Variants in GDNF observed in about 807,000 individuals in gnomAD.
GDNF encodes the protein glial cell line-derived neurotrophic factor.
A neutral mutation model predicts 13.7 loss-of-function variants in GDNF; 5 were observed. That is an observed-to-expected ratio of 0.36 (90% CI 0.19 to 0.77). GDNF has a LOEUF of 0.77. GDNF is among the 30% of genes least tolerant of loss of function. The pLI is 0.51. For synonymous variants in GDNF, 122 were observed against 112.5 expected (o/e 1.08, Z -0.53); for missense variants, 246 against 274.3 (o/e 0.90, Z 0.73).
intron 2 of GDNF, 83 bp from the exon 3 acceptor site, chr5:37,816,218 A>T (rs1749927059): frequency 2.1e-6 from 3 of 1,448,056 alleles, no homozygotes; most frequent in Non-Finnish European, 2.9e-6. Context: ...GCCCCCCTAA[A>T]GTCAGCAAAA....
Position 37,816,151 on chromosome 5 carries a change from A to G in GDNF, c.152-16T>C. The stretch of plus-strand genomic sequence containing the variant: ...GGCATATTTGCTGTTCAAAAAGAAA[A>G]GAGAAAATGGCACATGAGACAAAAT... On this transcript the variant is annotated splice_polypyrimidine_tract_variant and intron_variant, in intron 2 of 2. Transcript: ENST00000326524. 6.2e-7 allele frequency: 1 copy of G among 1,613,350 alleles called. No homozygotes were observed. Among genetic ancestry groups the G allele is most frequent in the African/African-American group, 1.3e-5 (1 of 75,050 alleles).
rs36010631 is a variant in GDNF at position 37,815,858 on chromosome 5, C to T, written c.429G>A (p.Arg143=). The T allele has an allele frequency of 4.7e-3, 7,605 of 1,614,070 alleles. 345 individuals carry two copies. The African/African-American group carries it at 0.089, about 19-fold the overall frequency. Residue 143 remains arginine, a synonymous_variant, in exon 3 of 3, where the codon AGG becomes AGA. Coordinates refer to ENST00000326524, the MANE Select transcript of GDNF (RefSeq NM_000514.4). This position sits in a 1 kb window ranked among gnomAD's most constrained non-coding sequence, Gnocchi z 5.0. ...GYETKEELIF[R]YCSGSCDAAE... Reference sequence around the variant, plus strand: ...CTGCATCGCAAGAGCCGCTGCAGTACCTAAAAATCAGTTCCTCCTTGGTTT... The same window carrying T: ...CTGCATCGCAAGAGCCGCTGCAGTATCTAAAAATCAGTTCCTCCTTGGTTT...
In GDNF at chr5:37,839,343, C is replaced by T. The variant is rs887224895; in HGVS notation, c.-27+164G>A. On this transcript the variant is annotated intron_variant, in intron 1 of 2. Transcript: ENST00000326524. The surrounding 1 kb of genome is among the most constrained non-coding windows in gnomAD (Gnocchi z 5.5). ...TCTCTCCGGTTCTACTTTTCTCTCT[C>T]CTCGCATAGCTTAGGTTCCCTCTAG... 1.3e-5 allele frequency among the ~76,000 whole-genome samples: 2 copies of T among 152,210 alleles called. No individual in the cohort carries two copies. The highest frequency in any genetic ancestry group is 2.4e-5 in the African/African-American group (1 of 41,462).
rs1268457362 is a variant in GDNF, at chr5:37,813,161, C to G, written c.*2490G>C. On this transcript the variant is annotated 3_prime_UTR_variant, in exon 3 of 3. Transcript: ENST00000326524. ...TGTTTCGAGCAGTCTGAATTCTCAG[C>G]AAGATCCCAAGACAGTGTGAGAGGG... 1 of 152,228 alleles carries G rather than the reference C, an allele frequency of 6.6e-6. No homozygotes were observed. The highest frequency in any genetic ancestry group is 2.4e-5 in the African/African-American group (1 of 41,428). 9.4% of individuals were successfully genotyped at this position (152,228 alleles called of 1,614,324 possible). A position where few individuals can be genotyped will look rare whatever the true frequency, so the allele number is the denominator to read the frequency against.
intron 2 of GDNF, among the ~76,000 whole-genome samples, chr5:37,828,469 T>A (rs1750408223): frequency 6.6e-6 from 1 of 152,240 alleles, no homozygotes; most frequent in Non-Finnish European, 1.5e-5. Flanking sequence ...CTGCTTCTCT[T>A]TTCTCTTTGC....
intron 2 of GDNF, chr5:37,824,028 G>A (rs1750226191): frequency 1.2e-5 from 12 of 980,974 alleles, no homozygotes; most frequent in Non-Finnish European, 1.3e-5. Context: ...TGAATGTCTC[G>A]GCTACATTTG....
At chr5:37,827,917 G>A (rs1262954216) in intron 2 of GDNF, among the ~76,000 whole-genome samples, 1 of 152,148 alleles carries the variant, frequency 6.6e-6, no homozygotes, top group Non-Finnish European at 1.5e-5. Context: ...CTTCAAAGTA[G>A]GTAATCGTTT....
At chr5:37,834,088 G>A (rs1157768946) in intron 2 of GDNF, among the ~76,000 whole-genome samples, 1 of 152,200 alleles carries the variant, frequency 6.6e-6, no homozygotes, top group African/African-American at 2.4e-5. Context: ...TCTGAACAGA[G>A]GAACTTTTCT....
chr5:37,828,293 T>C (rs1187636850), intron 2 of GDNF, among the ~76,000 whole-genome samples: 1 of 152,210 alleles, frequency 6.6e-6, no homozygotes, highest in Non-Finnish European at 1.5e-5. Context: ...GAGCCTTCTC[T>C]CATTGCAAAA....
At position 37,816,083 on chromosome 5, in the gene GDNF, A is replaced by G. The variant is rs1201283899; in HGVS notation, c.204T>C (p.Ile68=). The G allele has an allele frequency of 2.5e-6, 4 of 1,613,330 alleles. No individual in the cohort carries two copies. The change falls in exon 3 of 3, where the codon ATT becomes ATC. Residue 68 remains isoleucine, a synonymous_variant. Coordinates refer to ENST00000326524, the MANE Select transcript of GDNF (RefSeq NM_000514.4). ...PDQFDDVMDF[I]QATIKRLKRS... ...TTTTCAGTCTTTTAATGGTGGCTTG[A>G]ATAAAATCCATGACATCATCGAACT...
At position 37,816,026 on chromosome 5, in the gene GDNF, A is replaced by G. The variant is rs1749915761; in HGVS notation, c.261T>C (p.Pro87=). 1 of 1,613,704 alleles carries G rather than the reference A, an allele frequency of 6.2e-7. No individual in the cohort carries two copies. The highest frequency in any genetic ancestry group is 8.5e-7 in the Non-Finnish European group (1 of 1,179,652). ...RSPDKQMAVL[P]RRERNRQAAA... is the part of the protein sequence containing the mutation. The stretch of plus-strand genomic sequence containing the variant: ...CAGCCTGCCGATTCCGCTCTCTTCT[A>G]GGAAGCACTGCCATTTGTTTATCTG... Residue 87 remains proline (P), a synonymous_variant, in exon 3 of 3, where the codon CCT becomes CCC. Transcript: ENST00000326524.
At chr5:37,826,000 C>T (rs1399686366) in intron 2 of GDNF, among the ~76,000 whole-genome samples, 2 of 152,132 alleles carry the variant, frequency 1.3e-5, no homozygotes, top group Non-Finnish European at 2.9e-5. Context: ...AACCCATTCC[C>T]TGATTTTTTT....
chr5:37,834,107 T>C (rs976411727), intron 2 of GDNF, among the ~76,000 whole-genome samples: 3 of 152,220 alleles, frequency 2.0e-5, no homozygotes, highest in African/African-American at 7.2e-5. Context: ...CTGAACAGAT[T>C]TGACATTACC....
At chr5:37,830,809 A>G (rs922916630) in intron 2 of GDNF, among the ~76,000 whole-genome samples, 7 of 152,246 alleles carry the variant, frequency 4.6e-5, no homozygotes, top group Admixed American at 1.3e-4. Context: ...AGGGATGTTA[A>G]GTAACAGCTC....
At chr5:37,822,393 C>T (rs945441694) in intron 2 of GDNF, among the ~76,000 whole-genome samples, 1 of 152,144 alleles carries the variant, frequency 6.6e-6, no homozygotes, top group African/African-American at 2.4e-5. Flanking sequence ...GCTAATGGGA[C>T]CCATAGGGGT....
At chr5:37,826,720 T>C (rs1561131964) in intron 2 of GDNF, among the ~76,000 whole-genome samples, 1 of 152,232 alleles carries the variant, frequency 6.6e-6, no homozygotes, top group Non-Finnish European at 1.5e-5. Flanking sequence ...GGAATCCATG[T>C]CCATTTCCTC....
chr5:37,824,043 G>A (rs961964372), intron 2 of GDNF: 1 of 983,428 alleles, frequency 1.0e-6, no homozygotes, highest in East Asian at 1.1e-4. Context: ...CATTTGAAAT[G>A]ACCGTCATCA....
At chr5:37,835,449 G>A in intron 1 of GDNF, 1 of 1,447,460 alleles carries the variant, frequency 6.9e-7, no homozygotes, top group Non-Finnish European at 9.1e-7. Context: ...TCTGTTGCGA[G>A]AGCAAGAAGT....
At position 37,839,048 on chromosome 5, in the gene GDNF, T is replaced by G. The variant is rs748415923; in HGVS notation, c.-27+459A>C. ...AGCAGCCCCTCCCCCGGCCTGCGCT[T>G]TTCCTTGGCACAGATCAAAACAAGC... On this transcript the variant is annotated intron_variant, in intron 1 of 2. Transcript: ENST00000326524. This position sits in a 1 kb window ranked among gnomAD's most constrained non-coding sequence, Gnocchi z 5.5. Among the ~76,000 whole-genome samples the G allele has an allele frequency of 3.9e-5, 6 of 152,074 alleles. No homozygotes were observed. The highest frequency in any genetic ancestry group is 7.4e-5 in the Non-Finnish European group (5 of 67,998).
Sources: gnomAD v4.1 joint callset for allele counts (sites outside exome capture counted in the v4.1 genomes callset) on GRCh38, gnomAD v4.1.1 for gene constraint, Gnocchi (gnomAD v3.1) non-coding constraint, MANE v1.5 for transcripts, NCBI Gene and HGNC (gene_info 2026-07-23, HGNC 2026-07-21) for gene names.